The following COX14 variants were observed in gnomAD, a reference collection of about 807,000 sequenced individuals.
The protein encoded by COX14 is cytochrome c oxidase assembly factor COX14.
COX14 carries 3 observed loss-of-function variants against 5.8 expected under a neutral mutation model. The ratio of observed to expected loss-of-function variants is 0.51; its 90% CI spans 0.23 to 1.33. The LOEUF (loss-of-function observed/expected upper bound fraction) is 1.33, where lower values mean the gene tolerates loss of function less well. Among genes scored for constraint, COX14 ranks in the 40% most tolerant of loss-of-function variants. The pLI is 0.18. For missense variants in COX14, 72 were observed against 72.1 expected, an observed-to-expected ratio of 1.00 and a Z score of 0.01; for synonymous variants, 25 against 26.1, an observed-to-expected ratio of 0.96 and a Z score of 0.13.
At chr12:50,116,145 T>A (rs1051161437) in intron 1 of COX14, among the ~76,000 whole-genome samples, 4 of 150,044 alleles carry the variant, frequency 2.7e-5, no homozygotes, top group Non-Finnish European at 5.9e-5. Flanking sequence ...CATGCTGGAG[T>A]GCCGTGGCAC....
At chr12:50,112,599 A>T in intron 1 of COX14, 1 of 454,152 alleles carries the variant, frequency 2.2e-6, no homozygotes, top group Non-Finnish European at 2.9e-6. Flanking sequence ...TGCTCTATAG[A>T]CCTCTGCGTC....
chr12:50,114,462 G>A (rs895903129), intron 1 of COX14, among the ~76,000 whole-genome samples: 1 of 152,014 alleles, frequency 6.6e-6, no homozygotes, highest in Non-Finnish European at 1.5e-5. Flanking sequence ...GTGTTGGTCA[G>A]GCTGGTCTCG....
At position 50,115,113 on chromosome 12, in the gene COX14, C is replaced by A. The variant is rs926042680; in HGVS notation, c.-9+2812C>A. ...TAGAGATGGGGTCTCGCTGTGTTGC[C>A]TAGGCGTAGTCTTGAACTCCTGGGC... On this transcript the variant is annotated intron_variant, in intron 1 of 1. Coordinates refer to ENST00000550487, the MANE Select transcript of COX14 (RefSeq NM_032901.4). 6.5e-4 allele frequency among the ~76,000 whole-genome samples: 94 copies of A among 145,734 alleles called. 1 individual carries two copies. Among genetic ancestry groups the A allele is most frequent in the African/African-American group, 2.4e-3 (93 of 39,300 alleles).
At chr12:50,113,896 G>T (rs1951054212) in intron 1 of COX14, among the ~76,000 whole-genome samples, 1 of 151,360 alleles carries the variant, frequency 6.6e-6, no homozygotes. Context: ...GCCTCCCAAA[G>T]TACTGAGATT....
At chr12:50,113,464 C>T (rs902950820) in intron 1 of COX14, among the ~76,000 whole-genome samples, 3 of 149,578 alleles carry the variant, frequency 2.0e-5, no homozygotes, top group Non-Finnish European at 4.4e-5. Context: ...CCACCACGCC[C>T]GGCTAATTTT....
At chr12:50,116,545 G>A (rs1177371192) in intron 1 of COX14, among the ~76,000 whole-genome samples, 1 of 152,180 alleles carries the variant, frequency 6.6e-6, no homozygotes, top group Non-Finnish European at 1.5e-5. Context: ...TTTGTTGGTT[G>A]GTGAATGCTT....
At chr12:50,117,830 C>T (rs1320268711) in intron 1 of COX14, among the ~76,000 whole-genome samples, 6 of 151,248 alleles carry the variant, frequency 4.0e-5, no homozygotes, top group Admixed American at 4.0e-4. Context: ...CTGCAGCCTC[C>T]GCCTCCGGGT....
At chr12:50,114,661 C>G (rs1308746885) in intron 1 of COX14, among the ~76,000 whole-genome samples, 1 of 151,876 alleles carries the variant, frequency 6.6e-6, no homozygotes, top group Non-Finnish European at 1.5e-5. Context: ...TGCTTATTAC[C>G]TCCATATGTA....
chr12:50,112,351 GC>G (rs1951032873), intron 1 of COX14, 50 bp downstream of exon 1: 1 of 985,430 alleles, frequency 1.0e-6, no homozygotes, highest in Admixed American at 6.2e-5. Flanking sequence ...CACTGCCTGC[GC>G]GCCCACCTGG....
At chr12:50,115,491 A>T (rs564641042) in intron 1 of COX14, among the ~76,000 whole-genome samples, 72 of 151,838 alleles carry the variant, frequency 4.7e-4, no homozygotes, top group Admixed American at 1.5e-3. Context: ...CTGGGATTAC[A>T]GGCTTGAGCC....
At chr12:50,116,005 G>A (rs1216283927) in intron 1 of COX14, among the ~76,000 whole-genome samples, 1 of 152,026 alleles carries the variant, frequency 6.6e-6, no homozygotes, top group Admixed American at 6.6e-5. Flanking sequence ...TCGCTCCATT[G>A]ATAAATCCTT....
chr12:50,112,802 C>T (rs1422303003), intron 1 of COX14: 1 of 149,814 alleles, frequency 6.7e-6, no homozygotes, highest in Non-Finnish European at 1.5e-5. Context: ...CCCACCCTGT[C>T]TTTGAGCTGT....
rs1951032058 is a variant in COX14 at position 50,112,286 on chromosome 12, G to C, written c.-24G>C. ...GAGGAGGCCTCGGTTGGATGCGAAGGAGCTGCAGCATCCAGGTACGCTGCC... is the reference window on the plus strand; with the variant it reads ...GAGGAGGCCTCGGTTGGATGCGAAGCAGCTGCAGCATCCAGGTACGCTGCC... On this transcript the variant is annotated 5_prime_UTR_variant, in exon 1 of 2. Coordinates refer to ENST00000550487, the MANE Select transcript of COX14 (RefSeq NM_032901.4). 1.0e-6 allele frequency: 1 copy of C among 985,354 alleles called. No homozygotes were observed. The highest frequency in any genetic ancestry group is 1.7e-5 in the African/African-American group (1 of 57,256). The allele number at this position is 985,354 out of a possible 1,614,324, so 61.0% of individuals were successfully genotyped here.
At chr12:50,115,588 T>G (rs1951074269) in intron 1 of COX14, among the ~76,000 whole-genome samples, 2 of 151,174 alleles carry the variant, frequency 1.3e-5, no homozygotes, top group Non-Finnish European at 2.9e-5. Context: ...AGGGTCTCCC[T>G]GTCACCCAGG....
At chr12:50,119,869 A>G (rs1418356804) in intron 1 of COX14, among the ~76,000 whole-genome samples, 167 bp from the exon 2 acceptor site, 2 of 152,164 alleles carry the variant, frequency 1.3e-5, no homozygotes, top group Non-Finnish European at 2.9e-5. Flanking sequence ...TTCCTAAATG[A>G]TATCTTCCAG....
chr12:50,114,253 A>ATT (rs1274771005), intron 1 of COX14, among the ~76,000 whole-genome samples: 2 of 142,206 alleles, frequency 1.4e-5, no homozygotes, highest in African/African-American at 2.6e-5. Context: ...TGTTTCTGGA[A>ATT]TTTTTTTTTT....
At position 50,115,806 on chromosome 12, in the gene COX14, C is replaced by T. The variant is rs181252452; in HGVS notation, c.-9+3505C>T. Among the ~76,000 whole-genome samples the T allele has an allele frequency of 3.9e-5, 6 of 152,166 alleles. No homozygotes were observed. In the East Asian group the frequency reaches 1.2e-3, roughly 29 times the overall value. On this transcript the variant is annotated intron_variant, in intron 1 of 1. Transcript: ENST00000550487. ...GGCTCAACGATCCGTCTGTCTTTGC[C>T]TCCCAAAGTGCTGGCATTACAGGTG...
chr12:50,119,670 G>A (rs1565753642), intron 1 of COX14, among the ~76,000 whole-genome samples: 1 of 152,164 alleles, frequency 6.6e-6, no homozygotes, highest in Non-Finnish European at 1.5e-5. Flanking sequence ...ACTCCAGCCT[G>A]GGCAACAGAG....
At chr12:50,115,276 G>A (rs1416024078) in intron 1 of COX14, among the ~76,000 whole-genome samples, 3 of 146,632 alleles carry the variant, frequency 2.0e-5, no homozygotes, top group African/African-American at 5.1e-5. Flanking sequence ...GTGCAGTGGC[G>A]CGATCTCTGC....
Sources: gnomAD v4.1 joint callset for allele counts (sites outside exome capture counted in the v4.1 genomes callset) on GRCh38, gnomAD v4.1.1 for gene constraint, MANE v1.5 for transcripts, NCBI Gene and HGNC (gene_info 2026-07-23, HGNC 2026-07-21) for gene names.